PDE4D: variants seen among roughly 807,000 people sequenced by gnomAD.
PDE4D encodes the protein phosphodiesterase 4D.
PDE4D carries 24 observed loss-of-function variants against 87.4 expected under a neutral mutation model. The observed-to-expected ratio is 0.27, with a 90% CI of 0.20 to 0.39. PDE4D has a LOEUF of 0.39. Among genes scored for constraint, PDE4D ranks in the 10% least tolerant of loss-of-function variants. PDE4D has a pLI of 1.00. For missense variants in PDE4D, 714 were observed against 1,041.0 expected (o/e 0.69, Z 4.32); for synonymous variants, 384 against 383.2 (o/e 1.00, Z -0.02).
At chr5:60,513,900 C>T (rs1017326684) in intron 1 of PDE4D, among the ~76,000 whole-genome samples, 4 of 150,558 alleles carry the variant, frequency 2.7e-5, no homozygotes, top group African/African-American at 9.7e-5. Flanking sequence ...ATTATCTTAA[C>T]ATATATTTCA....
chr5:59,058,591 A>G (rs10075067), intron 5 of PDE4D, among the ~76,000 whole-genome samples: 98,505 of 151,912 alleles, frequency 0.65, 32,177 homozygotes, highest in East Asian at 0.84. Flanking sequence ...TAGACACCCT[A>G]CTTATGAGAG....
At chr5:59,383,368 T>A (rs1464766446) in intron 1 of PDE4D, among the ~76,000 whole-genome samples, 1 of 152,144 alleles carries the variant, frequency 6.6e-6, no homozygotes, top group Non-Finnish European at 1.5e-5. Context: ...CCTGCCCATT[T>A]GCCCACGAAT....
chr5:59,837,437 A>T (rs2152704231), intron 1 of PDE4D, among the ~76,000 whole-genome samples: 1 of 152,182 alleles, frequency 6.6e-6, no homozygotes, highest in Middle Eastern at 3.4e-3. Flanking sequence ...ATATATGTCT[A>T]GGTGTTCAGT....
intron 2 of PDE4D, among the ~76,000 whole-genome samples, chr5:59,212,160 T>C (rs1431445472): frequency 1.3e-5 from 2 of 152,142 alleles, no homozygotes; most frequent in Admixed American, 6.5e-5. Flanking sequence ...ATAGCATTAT[T>C]GTGAACTAGG....
chr5:59,164,411 T>G (rs1053257552), intron 5 of PDE4D, among the ~76,000 whole-genome samples: 2 of 152,218 alleles, frequency 1.3e-5, no homozygotes, highest in African/African-American at 4.8e-5. Context: ...ATTTCTTTTT[T>G]AGTTCCTACT....
chr5:60,472,101 T>C (rs535582173), intron 1 of PDE4D, among the ~76,000 whole-genome samples: 13 of 152,292 alleles, frequency 8.5e-5, no homozygotes, highest in Admixed American at 4.6e-4. Flanking sequence ...GATTCAGTAA[T>C]ATGGGAAAAT....
At chr5:59,791,536 T>G (rs1425127141) in intron 1 of PDE4D, among the ~76,000 whole-genome samples, 1 of 152,206 alleles carries the variant, frequency 6.6e-6, no homozygotes, top group Non-Finnish European at 1.5e-5. Context: ...CAACTCGTAT[T>G]GACAGAATTA....
At chr5:59,292,395 C>T (rs1244664567) in intron 1 of PDE4D, among the ~76,000 whole-genome samples, 1 of 152,030 alleles carries the variant, frequency 6.6e-6, no homozygotes, top group East Asian at 1.9e-4. Context: ...CTTTTTAGGC[C>T]TCACTACTTA....
Position 58,975,649 on chromosome 5 carries a change from T to C in PDE4D, c.2013+8A>G, listed in dbSNP as rs767954111. On this transcript the variant is annotated splice_region_variant and intron_variant, in intron 14 of 14. Coordinates refer to ENST00000340635, the MANE Select transcript of PDE4D (RefSeq NM_001104631.2). This position sits in a 1 kb window ranked among gnomAD's most constrained non-coding sequence, Gnocchi z 4.2. ...TTCTCTCTGAAAGCTATACACTTCA[T>C]GCATTACCTGTGATTTTTCCACGGA... 1.3e-6 allele frequency: 2 copies of C among 1,584,182 alleles called. No individual in the cohort carries two copies. The highest frequency in any genetic ancestry group is 1.7e-6 in the Non-Finnish European group (2 of 1,164,236).
At chr5:59,547,478 GAAATAAGT>G (rs137870499) in intron 1 of PDE4D, among the ~76,000 whole-genome samples, 3,485 of 152,144 alleles carry the variant, frequency 0.023, 124 homozygotes, top group African/African-American at 0.079. Flanking sequence ...ATATAAGAAG[GAAATAAGT>G]AATGACAACC....
chr5:60,500,907 G>A (rs456009), intron 1 of PDE4D, among the ~76,000 whole-genome samples: 58,050 of 151,574 alleles, frequency 0.38, 11,311 homozygotes, highest in South Asian at 0.54. Context: ...TCTAACAGCT[G>A]AGGCAACTGA....
chr5:59,372,911 G>T (rs1784156426), intron 1 of PDE4D, among the ~76,000 whole-genome samples: 2 of 152,176 alleles, frequency 1.3e-5, no homozygotes, highest in South Asian at 4.1e-4. Context: ...GAAGTTGGGA[G>T]CTGAGTGTTG....
chr5:59,839,462 T>C (rs946421338), intron 1 of PDE4D, among the ~76,000 whole-genome samples: 2 of 151,962 alleles, frequency 1.3e-5, no homozygotes, highest in African/African-American at 2.4e-5. Context: ...ATTTTTGTTG[T>C]ACTTCATTTT....
chr5:59,258,910 A>G (rs952669663), intron 1 of PDE4D, among the ~76,000 whole-genome samples: 5 of 151,544 alleles, frequency 3.3e-5, no homozygotes, highest in Non-Finnish European at 5.9e-5. Context: ...AGAATAATAA[A>G]TTTAGATTAA....
intron 1 of PDE4D, among the ~76,000 whole-genome samples, chr5:60,393,150 C>A (rs1762665611): frequency 6.6e-6 from 1 of 152,296 alleles, no homozygotes; most frequent in South Asian, 2.1e-4. Context: ...TCAAATAAAT[C>A]AAATGCTTAT....
chr5:59,535,532 A>T (rs37575), intron 1 of PDE4D, among the ~76,000 whole-genome samples: 55,116 of 152,038 alleles, frequency 0.36, 10,877 homozygotes, highest in East Asian at 0.84. Flanking sequence ...ATAATATGTG[A>T]TAAAGTACAT....
chr5:59,931,985 G>A (rs1198435089), intron 3 of PDE4D, among the ~76,000 whole-genome samples: 2 of 152,190 alleles, frequency 1.3e-5, no homozygotes, highest in Non-Finnish European at 2.9e-5. Context: ...ACAGGCCTGA[G>A]CCACTGTGGG....
rs889696542 is a variant in PDE4D at position 58,975,301 on chromosome 5, G to T, written c.2014-221C>A. ...TCTAGAACCTTTGGTTAAAGAGCATGTTCTATAGCATAAAAAATTTTCCAG... is the reference window on the plus strand; with the variant it reads ...TCTAGAACCTTTGGTTAAAGAGCATTTTCTATAGCATAAAAAATTTTCCAG... On this transcript the variant is annotated intron_variant, in intron 14 of 14. Coordinates refer to ENST00000340635, the MANE Select transcript of PDE4D (RefSeq NM_001104631.2). This position sits in a 1 kb window ranked among gnomAD's most constrained non-coding sequence, Gnocchi z 4.2. Among the ~76,000 whole-genome samples the T allele has an allele frequency of 2.7e-5, 4 of 147,068 alleles. No homozygotes were observed. The highest frequency in any genetic ancestry group is 3.0e-5 in the Non-Finnish European group (2 of 66,094).
intron 1 of PDE4D, among the ~76,000 whole-genome samples, chr5:59,281,671 C>G (rs1765823383): frequency 6.6e-6 from 1 of 152,120 alleles, no homozygotes; most frequent in Admixed American, 6.6e-5. Context: ...AGAACTTTTT[C>G]ATCCTTCCAA....
Sources: gnomAD v4.1 joint callset for allele counts (sites outside exome capture counted in the v4.1 genomes callset) on GRCh38, gnomAD v4.1.1 for gene constraint, Gnocchi (gnomAD v3.1) non-coding constraint, MANE v1.5 for transcripts, NCBI Gene and HGNC (gene_info 2026-07-23, HGNC 2026-07-21) for gene names.